RABL2A: variants seen among roughly 807,000 people sequenced by gnomAD.
RABL2A encodes RAB, member of RAS oncogene family like 2A.
In RABL2A, 17 loss-of-function variants were observed where a neutral mutation model predicts 30.7. The observed-to-expected ratio is 0.55, with a 90% CI of 0.38 to 0.83. The LOEUF (loss-of-function observed/expected upper bound fraction) is 0.83, where lower values mean the gene tolerates loss of function less well. RABL2A is among the 40% of genes least tolerant of loss of function. The pLI, the probability that RABL2A is intolerant of heterozygous loss-of-function variation, is 0.00. For missense variants in RABL2A, 155 were observed against 272.6 expected, an observed-to-expected ratio of 0.57 and a Z score of 3.04; for synonymous variants, 64 against 101.8, an observed-to-expected ratio of 0.63 and a Z score of 2.24.
chr2:113,638,058 TTCC>T (rs1296698260), intron 5 of RABL2A: 1 of 985,302 alleles, frequency 1.0e-6, no homozygotes, highest in Non-Finnish European at 1.2e-6. Context: ...TTCTAGCCAG[TTCC>T]TCCTCAGCTC....
Position 113,634,664 on chromosome 2 carries a change from G to A in RABL2A, c.218-387G>A, listed in dbSNP as rs530197289. 6.3e-4 allele frequency: 256 copies of A among 407,962 alleles called. 3 individuals carry two copies. Among genetic ancestry groups the A allele is most frequent in the South Asian group, 5.4e-3 (238 of 44,182 alleles). 25.3% of individuals were successfully genotyped at this position (407,962 alleles called of 1,614,324 possible). A position where few individuals can be genotyped will look rare whatever the true frequency, so the allele number is the denominator to read the frequency against. On this transcript the variant is annotated intron_variant, in intron 4 of 8. Transcript: ENST00000683472. ...TCGGGTCATAATCTTCTCCTTGGCC[G>A]GGCACACAGCCTGCCTGACTCTGTC...
intron 5 of RABL2A, chr2:113,637,309 A>G: frequency 2.0e-6 from 2 of 985,814 alleles, no homozygotes; most frequent in Non-Finnish European, 2.4e-6. Flanking sequence ...GCCCTGCTTC[A>G]ATGCCACCAC....
chr2:113,643,253 AT>A lies in RABL2A; in HGVS notation c.*1125del, dbSNP rs1267211765. 1 of 380,208 alleles carries A rather than the reference AT, an allele frequency of 2.6e-6. No individual in the cohort carries two copies. Among genetic ancestry groups the A allele is most frequent in the Non-Finnish European group, 5.1e-6 (1 of 196,402 alleles). 23.6% of individuals were successfully genotyped at this position (380,208 alleles called of 1,614,324 possible). On this transcript the variant is annotated 3_prime_UTR_variant, in exon 9 of 9. Coordinates refer to ENST00000683472, the MANE Select transcript of RABL2A (RefSeq NM_001306158.2). ...GACTGCAAGAGGAGAGCTAGCAGAT[AT>A]GCCTGTTCACCCCTCTCTGGTACTT...
intron 5 of RABL2A, chr2:113,638,459 G>C (rs1363869458): frequency 1.0e-6 from 1 of 985,296 alleles, no homozygotes; most frequent in African/African-American, 1.7e-5. Flanking sequence ...AGACACTTTG[G>C]AGGAGCTCCT....
intron 5 of RABL2A, chr2:113,638,476 G>C (rs1683797237): frequency 2.0e-6 from 2 of 985,240 alleles, no homozygotes; most frequent in Admixed American, 1.2e-4. Context: ...TCCTGTGAAG[G>C]GCATGAAGGC....
chr2:113,637,727 A>G, intron 5 of RABL2A: 1 of 1,254,206 alleles, frequency 8.0e-7, no homozygotes, highest in South Asian at 1.4e-5. Flanking sequence ...AGAGCAGAGG[A>G]GCTTGGTCCT....
intron 5 of RABL2A, chr2:113,640,029 C>G (rs561194284): frequency 6.6e-6 from 1 of 151,784 alleles, no homozygotes; most frequent in South Asian, 2.1e-4. Context: ...TTAATGCGTG[C>G]GTGCTACTTG....
chr2:113,636,107 TAAAA>T (rs956292516), intron 5 of RABL2A, among the ~76,000 whole-genome samples: 7 of 151,336 alleles, frequency 4.6e-5, no homozygotes, highest in Admixed American at 2.0e-4. Context: ...AAACTCCATC[TAAAA>T]AAAACCCACA....
chr2:113,630,457 A>G lies in RABL2A; in HGVS notation c.107+1744A>G, dbSNP rs1679883111. ...TGCCACTGCACTCTAGCCTAGTGAC[A>G]GAGCAAGACCCTGTCTCAAAAAAAA... On this transcript the variant is annotated intron_variant, in intron 2 of 8. Coordinates refer to ENST00000683472, the MANE Select transcript of RABL2A (RefSeq NM_001306158.2). Among the ~76,000 whole-genome samples the G allele has an allele frequency of 2.6e-5, 4 of 152,326 alleles. No homozygotes were observed. In the South Asian group the frequency reaches 8.3e-4, roughly 32 times the overall value.
At position 113,640,938 on chromosome 2, in the gene RABL2A, C is replaced by G. The variant is rs768636857; in HGVS notation, c.342C>G (p.Thr114=). The change falls in exon 6 of 9, where the codon ACC becomes ACG. Residue 114 remains threonine (T), a synonymous_variant. Transcript: ENST00000683472. ...AAGTCACCTATAGGAACCTGAGCAC[C>G]TGGTATACAGAGCTTCGGGAGTTCA... ...QRKVTYRNLS[T]WYTELREFRP... 2 of 1,613,684 alleles carry G rather than the reference C, an allele frequency of 1.2e-6. No individual in the cohort carries two copies. The highest frequency in any genetic ancestry group is 2.7e-5 in the African/African-American group (2 of 74,830).
chr2:113,630,906 G>GT lies in RABL2A; in HGVS notation c.108-2000dup, dbSNP rs1438398558. On this transcript the variant is annotated intron_variant, in intron 2 of 8. Coordinates refer to ENST00000683472, the MANE Select transcript of RABL2A (RefSeq NM_001306158.2). ...GACATGGTGTTTTTTTGTTTTTTTG[G>GT]TTTTTTTTTGAGACAGAGTCTTGCT... 3.5e-3 allele frequency among the ~76,000 whole-genome samples: 526 copies of GT among 150,334 alleles called. 4 individuals are homozygous for GT. Among genetic ancestry groups the GT allele is most frequent in the Non-Finnish European group, 5.1e-3 (347 of 67,508 alleles).
chr2:113,636,996 AT>A (rs1449208417), intron 5 of RABL2A, among the ~76,000 whole-genome samples: 17,816 of 121,904 alleles, frequency 0.15, 1,747 homozygotes, highest in African/African-American at 0.35. Flanking sequence ...CTCAAAAAAA[AT>A]AAAAAAATAA....
intron 3 of RABL2A, chr2:113,633,520 G>T (rs1332113883): frequency 4.6e-5 from 9 of 193,948 alleles, no homozygotes; most frequent in African/African-American, 7.3e-5. Flanking sequence ...CCTAGGCTCG[G>T]CACCCCAAGG....
chr2:113,641,328 C>T, intron 6 of RABL2A, 25 bp from the exon 7 acceptor site: 2 of 1,613,966 alleles, frequency 1.2e-6, no homozygotes, highest in Non-Finnish European at 1.7e-6. Flanking sequence ...CCTTGACAGA[C>T]CAATGTCCTA....
At chr2:113,634,266 C>T in intron 4 of RABL2A, 34 bp downstream of exon 4, 1 of 1,592,086 alleles carries the variant, frequency 6.3e-7, no homozygotes, top group Non-Finnish European at 8.6e-7. Flanking sequence ...TGCTGACCCT[C>T]AGGAAAGAGG....
At chr2:113,635,729 T>C (rs1362816424) in intron 5 of RABL2A, among the ~76,000 whole-genome samples, 1 of 152,226 alleles carries the variant, frequency 6.6e-6, no homozygotes, top group Non-Finnish European at 1.5e-5. Context: ...TAGAAGTTCC[T>C]ACCCGTGAAT....
chr2:113,634,363 G>A, intron 4 of RABL2A, 131 bp downstream of exon 4: 4 of 1,139,738 alleles, frequency 3.5e-6, no homozygotes, highest in Non-Finnish European at 5.0e-6. Flanking sequence ...GACAAGGGGT[G>A]CTAGAGAGAA....
chr2:113,634,471 G>T (rs558557418), intron 4 of RABL2A: 1 of 562,262 alleles, frequency 1.8e-6, no homozygotes, highest in East Asian at 3.0e-5. Flanking sequence ...TGCAGGACAG[G>T]GTTCAGGAAA....
At chr2:113,636,742 A>T (rs1410389095) in intron 5 of RABL2A, among the ~76,000 whole-genome samples, 2 of 152,172 alleles carry the variant, frequency 1.3e-5, no homozygotes, top group Non-Finnish European at 2.9e-5. Flanking sequence ...TAATCCCAGC[A>T]CTTTGGGTGG....
Sources: allele counts gnomAD v4.1 joint callset (sites outside exome capture counted in the v4.1 genomes callset), GRCh38; gene constraint gnomAD v4.1.1; transcripts MANE v1.5; gene names NCBI Gene and HGNC (gene_info 2026-07-23, HGNC 2026-07-21).